Variants in SLC35F1 observed in about 807,000 individuals in gnomAD.
The protein encoded by SLC35F1 is solute carrier family 35 member F1, also known as chromosome 6 open reading frame 169.
SLC35F1 carries 14 observed loss-of-function variants against 48.7 expected under a neutral mutation model. The ratio of observed to expected loss-of-function variants is 0.29; its 90% confidence interval spans 0.19 to 0.45. The LOEUF is 0.45. SLC35F1 is among the 20% of genes least tolerant of loss of function. The pLI is 1.00. For missense variants in SLC35F1, 404 were observed against 500.0 expected (o/e 0.81, Z 1.83); for synonymous variants, 190 against 202.2 (o/e 0.94, Z 0.51).
At chr6:118,246,763 A>G (rs966636512) in intron 3 of SLC35F1, among the ~76,000 whole-genome samples, 3 of 152,158 alleles carry the variant, frequency 2.0e-5, no homozygotes, top group Non-Finnish European at 4.4e-5. Flanking sequence ...CAAATGTAAG[A>G]TTGTATTTGA....
chr6:117,975,113 T>C (rs1776689769), intron 1 of SLC35F1, among the ~76,000 whole-genome samples: 1 of 152,232 alleles, frequency 6.6e-6, no homozygotes, highest in South Asian at 2.1e-4. Context: ...GCAATCTCCA[T>C]TTATCAGCAC....
At position 118,159,938 on chromosome 6, in the gene SLC35F1, T is replaced by G. The variant is rs187494212; in HGVS notation, c.349+5318T>G. On this transcript the variant is annotated intron_variant, in intron 2 of 7. Coordinates refer to ENST00000360388, the MANE Select transcript of SLC35F1 (RefSeq NM_001029858.4). The stretch of plus-strand genomic sequence containing the variant: ...TCATAAAAACTTTAATAAGCAATAA[T>G]TTCCTCTTCCCTTTCTTCTGCTACC... Among the ~76,000 whole-genome samples, 15 of 152,370 alleles carry G rather than the reference T, an allele frequency of 9.8e-5. No homozygotes were observed. In the South Asian group the frequency reaches 1.0e-3, roughly 11 times the overall value.
At chr6:118,128,900 C>A (rs1431945229) in intron 1 of SLC35F1, among the ~76,000 whole-genome samples, 1 of 152,080 alleles carries the variant, frequency 6.6e-6, no homozygotes, top group Non-Finnish European at 1.5e-5. Context: ...AAGTTTTTAT[C>A]TTTGAAGCTC....
intron 2 of SLC35F1, among the ~76,000 whole-genome samples, chr6:118,207,235 A>C (rs924951742): frequency 1.3e-5 from 2 of 152,220 alleles, no homozygotes; most frequent in African/African-American, 4.8e-5. Context: ...GATTGGATTA[A>C]TCAATATTAA....
intron 2 of SLC35F1, among the ~76,000 whole-genome samples, chr6:118,158,268 A>T (rs1774174552): frequency 6.6e-6 from 1 of 152,242 alleles, no homozygotes; most frequent in African/African-American, 2.4e-5. Context: ...AAATGAACAT[A>T]ATAATTACAT....
chr6:118,023,944 T>C (rs1416282521), intron 1 of SLC35F1, among the ~76,000 whole-genome samples: 2 of 152,202 alleles, frequency 1.3e-5, no homozygotes, highest in Admixed American at 1.3e-4. Context: ...CAGTGAGTCA[T>C]ATCTACTGAA....
At position 118,209,035 on chromosome 6, in the gene SLC35F1, C is replaced by A. The variant is rs114016832; in HGVS notation, c.350-26474C>A. 5.4e-3 allele frequency among the ~76,000 whole-genome samples: 817 copies of A among 152,276 alleles called. 9 individuals are homozygous for A. The highest frequency in any genetic ancestry group is 0.019 in the African/African-American group (776 of 41,548). ...TCTTTTCCCTTGAAGACCCTCATTC[C>A]AAGGGGTCCTGCCCCATACCTGAAG... On this transcript the variant is annotated intron_variant, in intron 2 of 7. Coordinates refer to ENST00000360388, the MANE Select transcript of SLC35F1 (RefSeq NM_001029858.4).
At chr6:118,062,844 G>A (rs537218286) in intron 1 of SLC35F1, among the ~76,000 whole-genome samples, 117 of 152,116 alleles carry the variant, frequency 7.7e-4, no homozygotes, top group African/African-American at 2.5e-3. Flanking sequence ...AACTCCTAAA[G>A]TCTTACTACA....
intron 2 of SLC35F1, among the ~76,000 whole-genome samples, chr6:118,166,899 G>T (rs1774325974): frequency 6.6e-6 from 1 of 152,094 alleles, no homozygotes; most frequent in Non-Finnish European, 1.5e-5. Flanking sequence ...TAGTTCTGAA[G>T]AGTTTTATAC....
At chr6:117,934,754 T>G (rs1776143754) in intron 1 of SLC35F1, among the ~76,000 whole-genome samples, 1 of 152,218 alleles carries the variant, frequency 6.6e-6, no homozygotes, top group Admixed American at 6.5e-5. Flanking sequence ...TTTTAATGTT[T>G]TACTCAACGG....
intron 1 of SLC35F1, 52 bp from the exon 2 acceptor site, chr6:118,154,393 T>G: frequency 3.3e-6 from 5 of 1,531,960 alleles, no homozygotes; most frequent in Non-Finnish European, 4.4e-6. Flanking sequence ...TGCTATTGTT[T>G]TAATGGGCTT....
intron 2 of SLC35F1, among the ~76,000 whole-genome samples, chr6:118,230,555 A>G (rs183612350): frequency 9.4e-4 from 143 of 152,336 alleles, no homozygotes; most frequent in African/African-American, 3.2e-3. Flanking sequence ...GAAGCCTAGG[A>G]GAATATTTAC....
intron 1 of SLC35F1, among the ~76,000 whole-genome samples, chr6:117,986,499 A>T (rs1472588383): frequency 6.6e-6 from 1 of 152,148 alleles, no homozygotes; most frequent in Non-Finnish European, 1.5e-5. Context: ...TATTTTCTAC[A>T]AGTGCTAGAG....
chr6:117,999,342 C>G, intron 1 of SLC35F1: 1 of 1,591,402 alleles, frequency 6.3e-7, no homozygotes, highest in Non-Finnish European at 8.5e-7. Flanking sequence ...CGGCCAAAGG[C>G]CAAGGCCAAG....
chr6:118,010,741 G>A (rs145706932), intron 1 of SLC35F1, among the ~76,000 whole-genome samples: 12 of 152,184 alleles, frequency 7.9e-5, no homozygotes, highest in African/African-American at 2.6e-4. Context: ...ATCTTGTTGT[G>A]TTTACAGAAT....
intron 1 of SLC35F1, among the ~76,000 whole-genome samples, chr6:118,033,100 T>C (rs143678294): frequency 1.3e-5 from 2 of 152,288 alleles, no homozygotes; most frequent in East Asian, 3.9e-4. Context: ...CCTTCTCACA[T>C]ATATGTTCCC....
chr6:117,946,931 A>AGTTTTT (rs1276593498), intron 1 of SLC35F1, among the ~76,000 whole-genome samples: 10 of 152,220 alleles, frequency 6.6e-5, no homozygotes, highest in Non-Finnish European at 1.3e-4. Flanking sequence ...GCTCTGTGCC[A>AGTTTTT]AGCACATTTT....
chr6:118,310,056 T>G (rs576881259), intron 7 of SLC35F1, among the ~76,000 whole-genome samples: 21 of 152,368 alleles, frequency 1.4e-4, no homozygotes, highest in South Asian at 1.0e-3. Flanking sequence ...TAATATAGGA[T>G]GTATCCTTTC....
intron 4 of SLC35F1, among the ~76,000 whole-genome samples, chr6:118,270,983 G>T (rs549712797): frequency 4.6e-5 from 7 of 152,168 alleles, no homozygotes; most frequent in African/African-American, 7.2e-5. Flanking sequence ...TACATTTATT[G>T]CATCTTTTAG....
Sources: allele counts gnomAD v4.1 joint callset (sites outside exome capture counted in the v4.1 genomes callset), GRCh38; gene constraint gnomAD v4.1.1; transcripts MANE v1.5; gene names NCBI Gene and HGNC (gene_info 2026-07-23, HGNC 2026-07-21).